The following MYO6 variants were observed in gnomAD, a reference collection of about 807,000 sequenced individuals.
MYO6 encodes the protein myosin VI.
Under a neutral mutation model 178.7 loss-of-function variants are expected in MYO6, and 74 were observed. The observed-to-expected ratio is 0.41, with a 90% CI of 0.34 to 0.50. The LOEUF is 0.50. Ranked by LOEUF, MYO6 falls within the 20% of genes least tolerant of loss-of-function variation. MYO6 has a pLI of 0.09. For synonymous variants in MYO6, 477 were observed against 504.6 expected, an observed-to-expected ratio of 0.95 and a Z score of 0.73; for missense variants, 1,330 against 1,547.4, an observed-to-expected ratio of 0.86 and a Z score of 2.36.
chr6:75,771,254 G>C (rs1765870560), intron 1 of MYO6, among the ~76,000 whole-genome samples: 2 of 152,168 alleles, frequency 1.3e-5, no homozygotes, highest in Admixed American at 1.3e-4. Context: ...TGGCCGCCTT[G>C]GCCTCCCAAA....
chr6:75,862,397 A>G (rs923775180), intron 15 of MYO6, among the ~76,000 whole-genome samples, 199 bp from the exon 16 acceptor site: 2 of 152,212 alleles, frequency 1.3e-5, no homozygotes, highest in African/African-American at 4.8e-5. Context: ...TATTAAATAT[A>G]TACTGTTACT....
At chr6:75,907,128 A>G (rs1441099790) in intron 30 of MYO6, among the ~76,000 whole-genome samples, 1 of 152,202 alleles carries the variant, frequency 6.6e-6, no homozygotes. Context: ...ACTGTGTGTG[A>G]ATGGAGTTTG....
intron 1 of MYO6, among the ~76,000 whole-genome samples, chr6:75,776,653 A>AGTGTGTGTGTGT (rs35830759): frequency 0.015 from 2,107 of 144,728 alleles, 50 homozygotes; most frequent in African/African-American, 0.049. Flanking sequence ...AGAAACGTGC[A>AGTGTGTGTGTGT]GTGTGTGTGT....
chr6:75,835,079 A>G lies in MYO6; in HGVS notation c.498-822A>G, dbSNP rs555765721. Among the ~76,000 whole-genome samples the G allele has an allele frequency of 3.3e-5, 5 of 152,352 alleles. No homozygotes were observed. In the South Asian group the frequency reaches 8.3e-4, roughly 25 times the overall value. ...GTGTTTCATATTTCAGTGAAACAAC[A>G]TGAATAGTGATAACTTCCCAGTTGT... On this transcript the variant is annotated intron_variant, in intron 6 of 34. Coordinates refer to ENST00000369977, the MANE Select transcript of MYO6 (RefSeq NM_004999.4).
chr6:75,765,091 T>C lies in MYO6; in HGVS notation c.-48+15668T>C, dbSNP rs116167862. Among the ~76,000 whole-genome samples the C allele has an allele frequency of 2.9e-3, 444 of 151,746 alleles. 1 individual carries two copies. Among genetic ancestry groups the C allele is most frequent in the African/African-American group, 0.01 (416 of 41,366 alleles). On this transcript the variant is annotated intron_variant, in intron 1 of 34. Transcript: ENST00000369977. Reference sequence around the variant, plus strand: ...AATTCATAAGTCTCTTAGTTTGGAGTTCATTTTTCCTGTCAATATTGTGCA... The same window carrying C: ...AATTCATAAGTCTCTTAGTTTGGAGCTCATTTTTCCTGTCAATATTGTGCA...
At chr6:75,791,387 G>T (rs560607768) in intron 1 of MYO6, among the ~76,000 whole-genome samples, 5 of 152,262 alleles carry the variant, frequency 3.3e-5, no homozygotes, top group African/African-American at 1.2e-4. Context: ...TATAATGTTT[G>T]TTGTCTTTTT....
intron 9 of MYO6, among the ~76,000 whole-genome samples, chr6:75,844,430 A>G (rs966243532): frequency 6.6e-6 from 1 of 152,156 alleles, no homozygotes; most frequent in Non-Finnish European, 1.5e-5. Context: ...TAAAAAACTG[A>G]CTCTAAAAAT....
At chr6:75,831,669 A>G (rs1773097371) in intron 5 of MYO6, among the ~76,000 whole-genome samples, 1 of 152,076 alleles carries the variant, frequency 6.6e-6, no homozygotes, top group African/African-American at 2.4e-5. Flanking sequence ...GGGAGGGCGG[A>G]TCGCTTGAGC....
intron 1 of MYO6, 86 bp from the exon 2 acceptor site, chr6:75,817,415 A>G (rs777901412): frequency 2.2e-5 from 17 of 774,532 alleles, no homozygotes; most frequent in Non-Finnish European, 3.4e-5. Flanking sequence ...TGGGACTTAC[A>G]TGTGAACTTT....
chr6:75,804,959 A>G (rs1769876579), intron 1 of MYO6, among the ~76,000 whole-genome samples: 1 of 144,864 alleles, frequency 6.9e-6, no homozygotes, highest in Non-Finnish European at 1.5e-5. Flanking sequence ...ATATGTACAC[A>G]TATATACACA....
At chr6:75,795,954 A>G (rs1428679426) in intron 1 of MYO6, among the ~76,000 whole-genome samples, 2 of 152,214 alleles carry the variant, frequency 1.3e-5, no homozygotes, top group African/African-American at 2.4e-5. Flanking sequence ...TTATGACACA[A>G]AGTCCCATAA....
At position 75,857,197 on chromosome 6, in the gene MYO6, T is replaced by G. The variant is rs1248847393; in HGVS notation, c.1324T>G (p.Cys442Gly). The G allele has an allele frequency of 1.2e-6, 2 of 1,614,054 alleles. No homozygotes were observed. Reference sequence around the variant, plus strand: ...TCATGTGGTAAACAGAGTAAATCAGTGTTTTCCTTTTGAAACATCATCCTA... The same window carrying G: ...TCATGTGGTAAACAGAGTAAATCAGGGTTTTCCTTTTGAAACATCATCCTA... ...FDHVVNRVNQ[C>G]FPFETSSYFI... Residue 442 changes from cysteine to glycine, a missense_variant, in exon 13 of 35, where the codon TGT (cysteine) becomes GGT (glycine). Coordinates refer to ENST00000369977, the MANE Select transcript of MYO6 (RefSeq NM_004999.4).
intron 7 of MYO6, among the ~76,000 whole-genome samples, chr6:75,836,698 T>C (rs1319960354): frequency 6.6e-6 from 1 of 151,852 alleles, no homozygotes; most frequent in Non-Finnish European, 1.5e-5. Flanking sequence ...TTCTCCTGCC[T>C]CAGCCTCCCG....
In MYO6 at chr6:75,799,253, G is replaced by C. The variant is rs576998509; in HGVS notation, c.-47-18248G>C. Among the ~76,000 whole-genome samples the C allele has an allele frequency of 4.7e-4, 72 of 152,170 alleles. 2 individuals are homozygous for C. In the South Asian group the frequency reaches 0.015, roughly 31 times the overall value. On this transcript the variant is annotated intron_variant, in intron 1 of 34. Coordinates refer to ENST00000369977, the MANE Select transcript of MYO6 (RefSeq NM_004999.4). The stretch of plus-strand genomic sequence containing the variant: ...AAAAATACAAAAACTAGCCAGGTGT[G>C]GTGGCAGGCCCCTGTAATCCCAGCT...
rs2149440632 is a variant in MYO6 at position 75,917,893 on chromosome 6, T to A, written c.*2881T>A. The A allele has an allele frequency of 6.5e-6, 1 of 152,682 alleles. No homozygotes were observed. Among genetic ancestry groups the A allele is most frequent in the Middle Eastern group, 3.4e-3 (1 of 294 alleles). 9.5% of individuals were successfully genotyped at this position (152,682 alleles called of 1,614,324 possible). The stretch of plus-strand genomic sequence containing the variant: ...ATATGTAGATCATTGGTTTTTTTTT[T>A]TACCTGAAGTAGCTTAAGAGTACTT... On this transcript the variant is annotated 3_prime_UTR_variant, in exon 35 of 35. Coordinates refer to ENST00000369977, the MANE Select transcript of MYO6 (RefSeq NM_004999.4).
At chr6:75,783,625 G>A (rs1229085425) in intron 1 of MYO6, among the ~76,000 whole-genome samples, 1 of 148,326 alleles carries the variant, frequency 6.7e-6, no homozygotes, top group Admixed American at 6.8e-5. Flanking sequence ...ACCATAATTA[G>A]TAAGGGCCTC....
chr6:75,853,958 C>T (rs1051555570), intron 11 of MYO6, among the ~76,000 whole-genome samples: 4 of 152,052 alleles, frequency 2.6e-5, no homozygotes, highest in Admixed American at 6.6e-5. Context: ...GTTTTATGGA[C>T]GAAGAAACTG....
chr6:75,763,714 A>G (rs1252843964), intron 1 of MYO6, among the ~76,000 whole-genome samples: 4 of 152,234 alleles, frequency 2.6e-5, no homozygotes, highest in African/African-American at 9.6e-5. Context: ...ATTTTGTTAT[A>G]AAATTCATTA....
At chr6:75,784,954 A>G (rs1324307369) in intron 1 of MYO6, among the ~76,000 whole-genome samples, 1 of 152,108 alleles carries the variant, frequency 6.6e-6, no homozygotes, top group Non-Finnish European at 1.5e-5. Flanking sequence ...GTAAGGAGTT[A>G]CTTTATAATT....
Sources: allele counts gnomAD v4.1 joint callset (sites outside exome capture counted in the v4.1 genomes callset), GRCh38; gene constraint gnomAD v4.1.1; transcripts MANE v1.5; gene names NCBI Gene and HGNC (gene_info 2026-07-23, HGNC 2026-07-21).